DLGAP2: variants seen among roughly 807,000 people sequenced by gnomAD.
DLGAP2 encodes the protein disks large-associated protein 2.
DLGAP2 carries 26 observed loss-of-function variants against 100.3 expected under a neutral mutation model. The observed-to-expected ratio is 0.26, with a 90% CI of 0.19 to 0.36. The LOEUF (loss-of-function observed/expected upper bound fraction) is 0.36. Ranked by LOEUF, DLGAP2 falls within the 10% of genes least tolerant of loss-of-function variation. DLGAP2 has a pLI of 1.00. For missense variants in DLGAP2, 1,858 were observed against 1,453.2 expected (o/e 1.28, Z -4.53); for synonymous variants, 886 against 630.1 (o/e 1.41, Z -6.08).
chr8:1,584,692 A>G (rs1796060404), intron 6 of DLGAP2, among the ~76,000 whole-genome samples: 1 of 152,086 alleles, frequency 6.6e-6, no homozygotes, highest in Admixed American at 6.5e-5. Flanking sequence ...TGGGGATTCG[A>G]ATGGCACTTG....
intron 2 of DLGAP2, among the ~76,000 whole-genome samples, chr8:958,582 CAAAAAAAAA>C (rs1207044026): frequency 4.7e-5 from 4 of 85,740 alleles, no homozygotes; most frequent in African/African-American, 1.3e-4. Flanking sequence ...ACTAGACCTC[CAAAAAAAAA>C]AAAAAAAAAA....
At chr8:1,657,019 A>G (rs1390684546) in intron 8 of DLGAP2, among the ~76,000 whole-genome samples, 1 of 152,234 alleles carries the variant, frequency 6.6e-6, no homozygotes, top group African/African-American at 2.4e-5. Context: ...GGGATTTTAT[A>G]GTGTTGTTTA....
intron 4 of DLGAP2, among the ~76,000 whole-genome samples, chr8:1,505,757 C>T (rs945052686): frequency 6.6e-6 from 1 of 152,150 alleles, no homozygotes; most frequent in Non-Finnish European, 1.5e-5. Context: ...AATTAAATTG[C>T]TCTCTTAATA....
At chr8:1,509,327 CCAA>C (rs1800072991) in intron 4 of DLGAP2, among the ~76,000 whole-genome samples, 1 of 77,488 alleles carries the variant, frequency 1.3e-5, no homozygotes. Context: ...AAGACTCCGT[CCAA>C]AAAAAAAAAA....
intron 2 of DLGAP2, among the ~76,000 whole-genome samples, chr8:913,666 A>G (rs922674356): frequency 2.6e-5 from 4 of 152,270 alleles, no homozygotes; most frequent in South Asian, 2.1e-4. Flanking sequence ...GCTGTGAGAT[A>G]GAAAATGTGT....
intron 3 of DLGAP2, among the ~76,000 whole-genome samples, chr8:1,419,899 C>G (rs1389220642): frequency 1.3e-5 from 2 of 152,240 alleles, no homozygotes; most frequent in Non-Finnish European, 2.9e-5. Flanking sequence ...TCACAATAGC[C>G]AGGAGATGGA....
At chr8:1,112,771 C>G (rs1351555033) in intron 2 of DLGAP2, among the ~76,000 whole-genome samples, 1 of 152,192 alleles carries the variant, frequency 6.6e-6, no homozygotes, top group Non-Finnish European at 1.5e-5. Flanking sequence ...TTGCATGAAT[C>G]ATGAAATCTT....
intron 1 of DLGAP2, among the ~76,000 whole-genome samples, chr8:903,231 A>G (rs959270267): frequency 1.3e-5 from 2 of 152,054 alleles, no homozygotes; most frequent in African/African-American, 2.4e-5. Context: ...GATTACAAAC[A>G]AGGATGTTTT....
chr8:1,422,404 T>C (rs1797116298), intron 3 of DLGAP2, among the ~76,000 whole-genome samples: 1 of 152,014 alleles, frequency 6.6e-6, no homozygotes, highest in South Asian at 2.1e-4. Flanking sequence ...CGCTTGTGTA[T>C]ATGTAGGGAG....
chr8:982,082 G>T (rs962938533), intron 2 of DLGAP2, among the ~76,000 whole-genome samples: 1 of 152,232 alleles, frequency 6.6e-6, no homozygotes, highest in African/African-American at 2.4e-5. Flanking sequence ...GCATGGGACA[G>T]GTTAGTTAGG....
intron 2 of DLGAP2, chr8:1,019,512 C>A (rs1312651423): frequency 6.6e-6 from 1 of 151,538 alleles, no homozygotes; most frequent in Non-Finnish European, 1.5e-5. Context: ...AGCACATTTC[C>A]CTCTAAAGAG....
intron 1 of DLGAP2, among the ~76,000 whole-genome samples, chr8:791,714 T>TA (rs1822031672): frequency 6.6e-6 from 1 of 152,228 alleles, no homozygotes; most frequent in Non-Finnish European, 1.5e-5. Flanking sequence ...AACTTTTTTA[T>TA]TTGGGAGTAA....
At chr8:1,648,522 C>T (rs977256389) in intron 8 of DLGAP2, among the ~76,000 whole-genome samples, 9 of 152,318 alleles carry the variant, frequency 5.9e-5, no homozygotes, top group African/African-American at 2.2e-4. Flanking sequence ...TTGGAGGCAT[C>T]TGGGAAGCCT....
chr8:1,056,870 C>G (rs770719566), intron 2 of DLGAP2, among the ~76,000 whole-genome samples: 2 of 152,238 alleles, frequency 1.3e-5, no homozygotes, highest in Non-Finnish European at 2.9e-5. Flanking sequence ...TGGTAGGTAA[C>G]TTAGTAAATA....
At chr8:752,034 G>T (rs1820803764) in intron 1 of DLGAP2, among the ~76,000 whole-genome samples, 1 of 152,166 alleles carries the variant, frequency 6.6e-6, no homozygotes, top group Non-Finnish European at 1.5e-5. Context: ...CTTAGAAGAG[G>T]GTCTCCCTCC....
intron 8 of DLGAP2, among the ~76,000 whole-genome samples, chr8:1,663,061 TGTG>T (rs1280856235): frequency 3.6e-5 from 4 of 110,808 alleles, no homozygotes; most frequent in Non-Finnish European, 7.0e-5. Context: ...GTACACATAG[TGTG>T]GGGTGTGTGT....
intron 3 of DLGAP2, among the ~76,000 whole-genome samples, chr8:1,486,531 A>C (rs1393987930): frequency 6.6e-6 from 1 of 152,188 alleles, no homozygotes; most frequent in Non-Finnish European, 1.5e-5. Flanking sequence ...TCTGCTGAGC[A>C]CATTCCAATC....
intron 3 of DLGAP2, among the ~76,000 whole-genome samples, chr8:1,345,031 C>T (rs931276612): frequency 2.0e-5 from 3 of 152,212 alleles, no homozygotes; most frequent in Non-Finnish European, 2.9e-5. Context: ...GACCATTCAT[C>T]TTTCAGAGGA....
intron 6 of DLGAP2, among the ~76,000 whole-genome samples, chr8:1,570,573 A>G (rs1802613596): frequency 6.6e-6 from 1 of 152,252 alleles, no homozygotes; most frequent in Non-Finnish European, 1.5e-5. Flanking sequence ...ACCACAGTGT[A>G]GGTGCAGACG....
Sources: gnomAD v4.1 joint callset for allele counts (sites outside exome capture counted in the v4.1 genomes callset) on GRCh38, gnomAD v4.1.1 for gene constraint, MANE v1.5 for transcripts, NCBI Gene and HGNC (gene_info 2026-07-23, HGNC 2026-07-21) for gene names.